The following PLXDC2 variants were observed in gnomAD, a reference collection of about 807,000 sequenced individuals.
PLXDC2 encodes plexin domain containing 2, also known as plexin domain-containing protein 2.
Under a neutral mutation model 68.9 loss-of-function variants are expected in PLXDC2, and 40 were observed. That is an observed-to-expected ratio of 0.58 (90% CI 0.45 to 0.76). The LOEUF (loss-of-function observed/expected upper bound fraction) is 0.76. PLXDC2 is among the 30% of genes least tolerant of loss of function. The probability of loss-of-function intolerance (pLI) is 0.00; values close to 1 mark genes in which losing one functional copy is unlikely to be tolerated. For missense variants in PLXDC2, 644 were observed against 661.9 expected (o/e 0.97, Z 0.30); for synonymous variants, 243 against 234.2 (o/e 1.04, Z -0.34).
intron 13 of PLXDC2, among the ~76,000 whole-genome samples, chr10:20,271,942 G>A (rs576683040): frequency 6.6e-6 from 1 of 152,160 alleles, no homozygotes; most frequent in Admixed American, 6.6e-5. Context: ...CTATAAATAA[G>A]ATAAATGCCT....
intron 3 of PLXDC2, among the ~76,000 whole-genome samples, chr10:20,065,531 T>A (rs1836191846): frequency 6.6e-6 from 1 of 152,200 alleles, no homozygotes; most frequent in South Asian, 2.1e-4. Context: ...TTCAGGCACA[T>A]TGCATTTATC....
chr10:20,129,373 C>T (rs1424496112), intron 4 of PLXDC2, among the ~76,000 whole-genome samples: 1 of 151,832 alleles, frequency 6.6e-6, no homozygotes, highest in East Asian at 1.9e-4. Flanking sequence ...AATAATGACC[C>T]CTTAGCAGAT....
At chr10:20,160,597 T>C (rs748666710) in intron 6 of PLXDC2, among the ~76,000 whole-genome samples, 1 of 152,150 alleles carries the variant, frequency 6.6e-6, no homozygotes, top group Non-Finnish European at 1.5e-5. Flanking sequence ...TAATTTTCAG[T>C]GATAGAAAAC....
At chr10:20,170,495 A>C (rs1194660663) in intron 7 of PLXDC2, among the ~76,000 whole-genome samples, 2 of 152,200 alleles carry the variant, frequency 1.3e-5, no homozygotes, top group Admixed American at 1.3e-4. Flanking sequence ...CGGCACAGGC[A>C]GTAATTTTTT....
chr10:20,165,443 A>C (rs1325634610), intron 7 of PLXDC2, among the ~76,000 whole-genome samples: 4 of 150,098 alleles, frequency 2.7e-5, no homozygotes, highest in African/African-American at 7.4e-5. Context: ...CCCACCCCAC[A>C]ACAGTCCCCA....
intron 12 of PLXDC2, among the ~76,000 whole-genome samples, chr10:20,244,970 C>A (rs768343281): frequency 2.6e-5 from 4 of 152,198 alleles, no homozygotes; most frequent in African/African-American, 9.6e-5. Flanking sequence ...CAAAATTAGC[C>A]GGGTGTGGTG....
At chr10:20,252,811 A>G (rs1053625097) in intron 13 of PLXDC2, among the ~76,000 whole-genome samples, 2 of 152,212 alleles carry the variant, frequency 1.3e-5, no homozygotes, top group African/African-American at 4.8e-5. Flanking sequence ...TTCACGTTGA[A>G]TGATTAGTTT....
chr10:20,248,105 A>G (rs1159302729), intron 13 of PLXDC2, among the ~76,000 whole-genome samples: 2 of 152,220 alleles, frequency 1.3e-5, no homozygotes, highest in Admixed American at 1.3e-4. Context: ...AGCCTTTTCA[A>G]ACTGTGCAGT....
At chr10:20,061,997 T>G (rs1456951839) in intron 3 of PLXDC2, among the ~76,000 whole-genome samples, 1 of 152,236 alleles carries the variant, frequency 6.6e-6, no homozygotes, top group Non-Finnish European at 1.5e-5. Flanking sequence ...GACACCTTCA[T>G]GTACACAGCA....
chr10:20,155,435 C>T (rs894136186), intron 6 of PLXDC2, among the ~76,000 whole-genome samples: 3 of 151,908 alleles, frequency 2.0e-5, no homozygotes, highest in Non-Finnish European at 2.9e-5. Flanking sequence ...TGTATACAGC[C>T]AAGACATTTG....
rs370176537 is a variant in PLXDC2, at chr10:20,062,235, C to T, written c.472-5935C>T. The stretch of plus-strand genomic sequence containing the variant: ...GGTCAAAAGATCAAGGCCATCCTGG[C>T]CAGCATGGTGAAATCCCGTCTCTAC... On this transcript the variant is annotated intron_variant, in intron 3 of 13. Transcript: ENST00000377252. 2.6e-3 allele frequency among the ~76,000 whole-genome samples: 394 copies of T among 152,268 alleles called. 2 individuals carry two copies. Among genetic ancestry groups the T allele is most frequent in the African/African-American group, 9.0e-3 (375 of 41,562 alleles).
At chr10:19,876,853 C>T (rs931095474) in intron 1 of PLXDC2, among the ~76,000 whole-genome samples, 6 of 151,974 alleles carry the variant, frequency 3.9e-5, no homozygotes, top group African/African-American at 1.5e-4. Flanking sequence ...TTTTGGCTAG[C>T]TTAAAGTTGT....
At chr10:19,969,536 TCTA>T (rs1321417254) in intron 1 of PLXDC2, among the ~76,000 whole-genome samples, 2 of 152,210 alleles carry the variant, frequency 1.3e-5, no homozygotes, top group Non-Finnish European at 2.9e-5. Context: ...CTTTGGGTCT[TCTA>T]CTTCAAAGCT....
intron 4 of PLXDC2, among the ~76,000 whole-genome samples, chr10:20,091,191 C>T (rs146423014): frequency 3.3e-4 from 51 of 152,248 alleles, no homozygotes; most frequent in African/African-American, 1.1e-3. Context: ...GTAGGTTCAA[C>T]GGGCCTTGAA....
intron 1 of PLXDC2, among the ~76,000 whole-genome samples, chr10:19,864,011 G>T (rs1175810130): frequency 6.6e-6 from 1 of 152,034 alleles, no homozygotes; most frequent in Non-Finnish European, 1.5e-5. Flanking sequence ...TTAAACCTGG[G>T]AAGATTAAAA....
intron 1 of PLXDC2, among the ~76,000 whole-genome samples, chr10:19,931,213 A>T (rs1305402517): frequency 6.6e-6 from 1 of 152,210 alleles, no homozygotes. Context: ...TGTGAGCTGA[A>T]CTTGGACTCT....
chr10:19,986,091 G>T (rs1834633244), intron 1 of PLXDC2, among the ~76,000 whole-genome samples: 1 of 152,168 alleles, frequency 6.6e-6, no homozygotes. Flanking sequence ...AGAAATGAAT[G>T]AATGAATGAA....
At chr10:19,867,121 A>G (rs1239505979) in intron 1 of PLXDC2, among the ~76,000 whole-genome samples, 1 of 143,244 alleles carries the variant, frequency 7.0e-6, no homozygotes, top group Non-Finnish European at 1.5e-5. Flanking sequence ...GCTGGAGTGC[A>G]ATGTTGCGAT....
At chr10:20,050,030 A>T (rs1835864617) in intron 3 of PLXDC2, among the ~76,000 whole-genome samples, 1 of 152,188 alleles carries the variant, frequency 6.6e-6, no homozygotes, top group South Asian at 2.1e-4. Context: ...CCAATGGAAC[A>T]GAATAGAGAG....
Sources: allele counts gnomAD v4.1 joint callset (sites outside exome capture counted in the v4.1 genomes callset), GRCh38; gene constraint gnomAD v4.1.1; transcripts MANE v1.5; gene names NCBI Gene and HGNC (gene_info 2026-07-23, HGNC 2026-07-21).